Variants in ANO4 observed in about 807,000 individuals in gnomAD.
ANO4 encodes anoctamin-4.
A neutral mutation model predicts 141.9 loss-of-function variants in ANO4; 69 were observed. The observed-to-expected ratio is 0.49, with a 90% confidence interval of 0.40 to 0.59. The LOEUF (loss-of-function observed/expected upper bound fraction) is 0.59, where lower values mean the gene tolerates loss of function less well. Among genes scored for constraint, ANO4 ranks in the 20% least tolerant of loss-of-function variants. The probability of loss-of-function intolerance (pLI) is 0.00; values close to 1 mark genes in which losing one functional copy is unlikely to be tolerated. For synonymous variants in ANO4, 350 were observed against 394.3 expected, an observed-to-expected ratio of 0.89 and a Z score of 1.33; for missense variants, 894 against 1,162.2, an observed-to-expected ratio of 0.77 and a Z score of 3.36.
At chr12:100,778,828 G>T (rs750577654) in intron 3 of ANO4, among the ~76,000 whole-genome samples, 1 of 152,134 alleles carries the variant, frequency 6.6e-6, no homozygotes, top group Non-Finnish European at 1.5e-5. Context: ...CACCCGCCAC[G>T]TAGATTCTAC....
At chr12:100,999,219 A>G (rs2045531108) in intron 8 of ANO4, among the ~76,000 whole-genome samples, 1 of 152,250 alleles carries the variant, frequency 6.6e-6, no homozygotes. Context: ...AGGTATGTCA[A>G]GGCTGCACTC....
At chr12:101,103,181 TTTTATATATATATATATATATA>T (rs1317586818) in intron 22 of ANO4, among the ~76,000 whole-genome samples, 2,504 of 90,662 alleles carry the variant, frequency 0.028, 198 homozygotes, top group Non-Finnish European at 0.036. Flanking sequence ...TTTTTAGTCA[TTTTATATATATATATATATATA>T]TATATATATA....
chr12:100,846,923 T>G (rs768669767), intron 1 of ANO4, among the ~76,000 whole-genome samples: 5 of 132,074 alleles, frequency 3.8e-5, no homozygotes, highest in Admixed American at 8.4e-5. Flanking sequence ...CACTTATTCT[T>G]CCTCCTCTTC....
At chr12:100,866,032 C>G (rs369759819) in intron 1 of ANO4, among the ~76,000 whole-genome samples, 6 of 152,152 alleles carry the variant, frequency 3.9e-5, no homozygotes, top group Non-Finnish European at 8.8e-5. Flanking sequence ...AGAAGCCACA[C>G]GGCAGGGGAG....
At chr12:101,094,167 C>A in intron 17 of ANO4, 89 bp from the exon 18 acceptor site, 1 of 1,019,686 alleles carries the variant, frequency 9.8e-7, no homozygotes, top group Non-Finnish European at 1.5e-6. Flanking sequence ...ATTATTTTGA[C>A]TCGTGATTTG....
chr12:100,859,594 G>A (rs2038365808), intron 1 of ANO4, among the ~76,000 whole-genome samples: 1 of 152,136 alleles, frequency 6.6e-6, no homozygotes, highest in South Asian at 2.1e-4. Context: ...GATAATAGAA[G>A]ACAAACATTT....
At chr12:100,927,085 G>C (rs533427) in intron 3 of ANO4, among the ~76,000 whole-genome samples, 96,453 of 151,918 alleles carry the variant, frequency 0.63, 31,135 homozygotes, top group Middle Eastern at 0.75. Flanking sequence ...TTGAGTGAAC[G>C]TGTGGAATCA....
chr12:101,023,387 T>A (rs887838523), intron 9 of ANO4, among the ~76,000 whole-genome samples: 7 of 152,190 alleles, frequency 4.6e-5, no homozygotes, highest in African/African-American at 1.7e-4. Context: ...AAATTGGTAA[T>A]AGGCCAGGCA....
At chr12:100,831,968 G>A (rs115888573) in intron 1 of ANO4, among the ~76,000 whole-genome samples, 1,779 of 152,080 alleles carry the variant, frequency 0.012, 26 homozygotes, top group African/African-American at 0.04. Flanking sequence ...TAAATGTAGC[G>A]GGCTGGTACC....
chr12:100,781,739 C>T (rs578068427), intron 3 of ANO4, among the ~76,000 whole-genome samples: 3 of 152,084 alleles, frequency 2.0e-5, no homozygotes, highest in African/African-American at 7.2e-5. Flanking sequence ...TTCATTATCC[C>T]CTGCCATGGA....
intron 1 of ANO4, among the ~76,000 whole-genome samples, chr12:100,821,793 A>G (rs995955385): frequency 6.6e-6 from 1 of 152,074 alleles, no homozygotes; most frequent in African/African-American, 2.4e-5. Flanking sequence ...AGTTATAAAC[A>G]GCAAGTTAAT....
chr12:100,722,498 A>G (rs981913012), intron 1 of ANO4, among the ~76,000 whole-genome samples: 5 of 152,074 alleles, frequency 3.3e-5, no homozygotes, highest in Non-Finnish European at 5.9e-5. Flanking sequence ...ACCTTGATGC[A>G]TGCTCTGAAC....
intron 1 of ANO4, among the ~76,000 whole-genome samples, chr12:100,798,436 A>G (rs2034473606): frequency 6.6e-6 from 1 of 152,230 alleles, no homozygotes; most frequent in African/African-American, 2.4e-5. Context: ...CTACTTGGAA[A>G]GGAACTTGCA....
At chr12:101,002,366 A>T (rs1193447599) in intron 8 of ANO4, among the ~76,000 whole-genome samples, 5 of 152,234 alleles carry the variant, frequency 3.3e-5, no homozygotes, top group Admixed American at 2.6e-4. Flanking sequence ...AATAATGCAC[A>T]GTAGTGCCAC....
intron 3 of ANO4, among the ~76,000 whole-genome samples, chr12:100,932,471 T>C (rs1043044230): frequency 4.6e-5 from 7 of 152,108 alleles, no homozygotes; most frequent in Non-Finnish European, 1.5e-5. Context: ...CTCTAAATCT[T>C]TGTTCAATGA....
chr12:101,023,890 A>G (rs561127247), intron 9 of ANO4, among the ~76,000 whole-genome samples: 23 of 152,346 alleles, frequency 1.5e-4, no homozygotes, highest in Admixed American at 8.5e-4. Context: ...TAATTTCTTG[A>G]TAGAACTAAT....
chr12:100,736,641 G>T lies in ANO4; in HGVS notation c.106+2784G>T, dbSNP rs1050612311. Among the ~76,000 whole-genome samples the T allele has an allele frequency of 2.0e-5, 3 of 152,170 alleles. No individual in the cohort carries two copies. The East Asian group carries it at 5.8e-4, about 29-fold the overall frequency. On this transcript the variant is annotated intron_variant, in intron 2 of 29. Transcript: ENST00000644049. ...TCGAATCCCCAGTACCTGTGATTGT[G>T]ACTGTATTTGGAAATAGGGTCTTTG... is the stretch of plus-strand genomic sequence containing the variant.
intron 21 of ANO4, among the ~76,000 whole-genome samples, chr12:101,098,840 C>T (rs12582484): frequency 0.14 from 20,619 of 152,040 alleles, 1,457 homozygotes; most frequent in South Asian, 0.19. Context: ...CTTTGATGTT[C>T]ATTCCTTTAT....
chr12:100,954,920 C>T (rs2043120853), intron 5 of ANO4, among the ~76,000 whole-genome samples: 1 of 152,158 alleles, frequency 6.6e-6, no homozygotes, highest in Admixed American at 6.5e-5. Flanking sequence ...ACAAGCCTGC[C>T]TATGGAAATG....
Sources: allele counts gnomAD v4.1 joint callset (sites outside exome capture counted in the v4.1 genomes callset), GRCh38; gene constraint gnomAD v4.1.1; transcripts MANE v1.5; gene names NCBI Gene and HGNC (gene_info 2026-07-23, HGNC 2026-07-21).